Variants in KIF14 observed in about 807,000 individuals in gnomAD.
KIF14 encodes the protein kinesin-like protein KIF14.
Under a neutral mutation model 176.2 loss-of-function variants are expected in KIF14, and 98 were observed. The observed-to-expected ratio is 0.56, with a 90% CI of 0.47 to 0.66. KIF14 has a LOEUF of 0.66. Among genes scored for constraint, KIF14 ranks in the 30% least tolerant of loss-of-function variants. The pLI, the probability that KIF14 is intolerant of heterozygous loss-of-function variation, is 0.00. For synonymous variants in KIF14, 566 were observed against 632.2 expected (o/e 0.90, Z 1.57); for missense variants, 1,751 against 1,920.4 (o/e 0.91, Z 1.65).
intron 15 of KIF14, 25 bp from the exon 16 acceptor site, chr1:200,592,265 A>G: frequency 6.3e-7 from 1 of 1,585,338 alleles, no homozygotes. Flanking sequence ...AAAATGTACT[A>G]CTTGAGGTGA....
chr1:200,583,287 A>G (rs1350802990), intron 19 of KIF14, among the ~76,000 whole-genome samples: 1 of 152,176 alleles, frequency 6.6e-6, no homozygotes, highest in Non-Finnish European at 1.5e-5. Context: ...TGTGATGTGT[A>G]AGAAATTATT....
intron 8 of KIF14, among the ~76,000 whole-genome samples, chr1:200,604,248 A>G (rs577253720): frequency 6.6e-6 from 1 of 152,038 alleles, no homozygotes; most frequent in South Asian, 2.1e-4. Context: ...TTTATTTTTT[A>G]GTACAGACAA....
chr1:200,594,368 C>CAAAAAAAAAAAAAAAAAAAAAAAAAAATA (rs371729211), intron 14 of KIF14, among the ~76,000 whole-genome samples: 1 of 92,518 alleles, frequency 1.1e-5, no homozygotes, highest in East Asian at 3.8e-4. Context: ...CCCAAAAATT[C>CAAAAAAAAAAAAAAAAAAAAAAAAAAATA]AAAAAAAAAA....
chr1:200,606,619 A>AT (rs1273421497), intron 6 of KIF14, 127 bp downstream of exon 6: 15 of 374,162 alleles, frequency 4.0e-5, no homozygotes, highest in Non-Finnish European at 7.3e-5. Context: ...TAGAAGGCTA[A>AT]ATAAATAGTT....
chr1:200,592,234 G>C lies in KIF14; in HGVS notation c.2659C>G (p.Arg887Gly). The C allele has an allele frequency of 1.2e-6, 2 of 1,612,354 alleles. No individual in the cohort carries two copies. The highest frequency in any genetic ancestry group is 2.2e-5 in the South Asian group (2 of 90,862). ...TAATGATCTCCACCAAGAATCACTC[G>C]ATCACCCTAAAGCACACAAAAAAAT... is the stretch of plus-strand genomic sequence containing the variant. ...LEITVLRHGDRVILGGDHYFR... is the reference protein window; with the variant it reads ...LEITVLRHGDGVILGGDHYFR... Residue 887 changes from arginine (R) to glycine (G), a missense_variant, in exon 16 of 30, where the codon CGA becomes GGA. Transcript: ENST00000367350.
At chr1:200,606,205 T>TA (rs1180929700) in intron 6 of KIF14, among the ~76,000 whole-genome samples, 11 of 152,164 alleles carry the variant, frequency 7.2e-5, no homozygotes, top group Non-Finnish European at 1.5e-4. Flanking sequence ...TATGCATAGG[T>TA]ATATTTATAT....
chr1:200,614,029 C>T (rs777191423), intron 4 of KIF14, among the ~76,000 whole-genome samples: 6 of 152,214 alleles, frequency 3.9e-5, no homozygotes, highest in Non-Finnish European at 8.8e-5. Context: ...ACACGTATAA[C>T]AGCACATAGC....
chr1:200,560,752 T>C lies in KIF14; in HGVS notation c.4200A>G (p.Glu1400=). The part of the protein sequence containing the change: ...VLKGSKLHFL[E]NGNNKAASVQ... ...CACTGGCAGCTTTATTGTTACCGTT[T>C]TCTAGAAAATGTAGCTTGCTCCCTT... The change falls in exon 26 of 30, where the codon GAA becomes GAG. Residue 1400 remains glutamate (E), a synonymous_variant. Transcript: ENST00000367350. 1 of 1,614,226 alleles carries C rather than the reference T, an allele frequency of 6.2e-7. No individual in the cohort carries two copies. The highest frequency in any genetic ancestry group is 8.5e-7 in the Non-Finnish European group (1 of 1,180,038).
At chr1:200,618,998 T>A (rs912934291) in intron 1 of KIF14, among the ~76,000 whole-genome samples, 160 bp from the exon 2 acceptor site, 7 of 152,208 alleles carry the variant, frequency 4.6e-5, no homozygotes, top group Admixed American at 3.3e-4. Flanking sequence ...CAGGCAAGTC[T>A]CTCAGAGAAC....
At position 200,573,427 on chromosome 1, in the gene KIF14, C is replaced by CTTTTTT. The variant is rs869174532; in HGVS notation, c.3566+2158_3566+2163dup. ...TTCCCTACACTCAAGGAGCTCATTT[C>CTTTTTT]TTTTTTTTTTTTTTTTTTTTTTTTG... On this transcript the variant is annotated intron_variant, in intron 22 of 29. Coordinates refer to ENST00000367350, the MANE Select transcript of KIF14 (RefSeq NM_014875.3). Among the ~76,000 whole-genome samples the CTTTTTT allele has an allele frequency of 2.6e-3, 206 of 77,736 alleles. 30 individuals carry two copies. The highest frequency in any genetic ancestry group is 7.7e-3 in the African/African-American group (136 of 17,556). 51.0% of individuals were successfully genotyped at this position (77,736 alleles called of 152,430 possible).
intron 23 of KIF14, among the ~76,000 whole-genome samples, chr1:200,567,345 T>A (rs1050290787): frequency 4.0e-5 from 6 of 151,120 alleles, no homozygotes; most frequent in African/African-American, 7.3e-5. Flanking sequence ...ATCGAGACCA[T>A]CCTGGCTAAC....
intron 25 of KIF14, among the ~76,000 whole-genome samples, chr1:200,563,783 A>G (rs1342349321): frequency 6.6e-6 from 1 of 152,228 alleles, no homozygotes; most frequent in African/African-American, 2.4e-5. Flanking sequence ...GTATTCTCCA[A>G]TATCAATTTT....
intron 18 of KIF14, among the ~76,000 whole-genome samples, chr1:200,588,329 C>T (rs1333619988): frequency 6.6e-6 from 1 of 151,620 alleles, no homozygotes; most frequent in Non-Finnish European, 1.5e-5. Flanking sequence ...CAACCTCTGA[C>T]TCTCGGGTTC....
intron 4 of KIF14, among the ~76,000 whole-genome samples, chr1:200,612,213 G>C (rs1035052465): frequency 2.0e-5 from 3 of 152,196 alleles, no homozygotes; most frequent in South Asian, 2.1e-4. Context: ...ATGTTGGCCA[G>C]GCTGGTCTCA....
chr1:200,573,427 C>CTTTTTTTTTT lies in KIF14; in HGVS notation c.3566+2154_3566+2163dup, dbSNP rs869174532. ...TTCCCTACACTCAAGGAGCTCATTT[C>CTTTTTTTTTT]TTTTTTTTTTTTTTTTTTTTTTTTG... On this transcript the variant is annotated intron_variant, in intron 22 of 29. Coordinates refer to ENST00000367350, the MANE Select transcript of KIF14 (RefSeq NM_014875.3). Among the ~76,000 whole-genome samples the CTTTTTTTTTT allele has an allele frequency of 1.3e-3, 101 of 77,736 alleles. 10 individuals are homozygous for CTTTTTTTTTT. Among genetic ancestry groups the CTTTTTTTTTT allele is most frequent in the African/African-American group, 3.8e-3 (67 of 17,548 alleles). 51.0% of individuals were successfully genotyped at this position (77,736 alleles called of 152,430 possible). A position where few individuals can be genotyped will look rare whatever the true frequency, so the allele number is the denominator to read the frequency against.
At chr1:200,604,046 T>C in intron 8 of KIF14, 91 bp from the exon 9 acceptor site, 2 of 759,876 alleles carry the variant, frequency 2.6e-6, no homozygotes, top group Admixed American at 2.2e-5. Context: ...AGATTACACA[T>C]CACTCTTTTA....
rs148115115 is a variant in KIF14, at chr1:200,569,082, C to A, written c.3661+829G>T. On this transcript the variant is annotated intron_variant, in intron 23 of 29. Transcript: ENST00000367350. ...CTGGGATGACAGGCATGCGCCACCA[C>A]ACCCAGCTAATTTTGTATTTTTAGT... 3.2e-3 allele frequency among the ~76,000 whole-genome samples: 485 copies of A among 152,100 alleles called. 3 individuals are homozygous for A. Among genetic ancestry groups the A allele is most frequent in the African/African-American group, 0.011 (445 of 41,506 alleles).
At chr1:200,605,826 CT>C in intron 7 of KIF14, 37 bp downstream of exon 7, 1 of 1,263,196 alleles carries the variant, frequency 7.9e-7, no homozygotes, top group Non-Finnish European at 1.1e-6. Flanking sequence ...GGATTATGCT[CT>C]TTCTATCTAG....
chr1:200,575,724 T>G, intron 21 of KIF14, 33 bp from the exon 22 acceptor site: 5 of 1,273,566 alleles, frequency 3.9e-6, no homozygotes, highest in Non-Finnish European at 5.4e-6. Flanking sequence ...TTTCAGTAAA[T>G]TTGGGGTGAA....
Sources: gnomAD v4.1 joint callset for allele counts (sites outside exome capture counted in the v4.1 genomes callset) on GRCh38, gnomAD v4.1.1 for gene constraint, MANE v1.5 for transcripts, NCBI Gene and HGNC (gene_info 2026-07-23, HGNC 2026-07-21) for gene names.